Variants in CERS3 observed in about 807,000 individuals in gnomAD.
The protein encoded by CERS3 is ceramide synthase 3.
CERS3 carries 33 observed loss-of-function variants against 50.3 expected under a neutral mutation model. That is an observed-to-expected ratio of 0.66 (90% CI 0.50 to 0.88). The LOEUF is 0.88. Ranked by LOEUF, CERS3 falls within the 40% of genes least tolerant of loss-of-function variation. The probability of loss-of-function intolerance (pLI) is 0.00; values close to 1 mark genes in which losing one functional copy is unlikely to be tolerated. For synonymous variants in CERS3, 176 were observed against 155.2 expected (o/e 1.13, Z -0.99); for missense variants, 470 against 460.3 (o/e 1.02, Z -0.19).
At chr15:100,535,099 CTG>C (rs2037038132) in intron 1 of CERS3, among the ~76,000 whole-genome samples, 2 of 152,234 alleles carry the variant, frequency 1.3e-5, no homozygotes, top group Non-Finnish European at 2.9e-5. Flanking sequence ...CCTCCTGAGG[CTG>C]TGTCATGCAA....
At chr15:100,447,541 G>A (rs967854830) in intron 11 of CERS3, among the ~76,000 whole-genome samples, 1 of 152,294 alleles carries the variant, frequency 6.6e-6, no homozygotes, top group Middle Eastern at 3.4e-3. Context: ...TTTGGTTCAG[G>A]ATAAATCTAT....
intron 2 of CERS3, among the ~76,000 whole-genome samples, chr15:100,512,975 T>C (rs2036389325): frequency 6.6e-6 from 1 of 152,218 alleles, no homozygotes; most frequent in Admixed American, 6.5e-5. Context: ...CACTTTCCAC[T>C]AGGGCAATAC....
rs74041452 is a variant in CERS3, at chr15:100,469,367, G to A, written c.845+11C>T. On this transcript the variant is annotated intron_variant, in intron 10 of 11. Transcript: ENST00000679737. The stretch of plus-strand genomic sequence containing the variant: ...CTGACCAAAGGCAGGGCACATCACC[G>A]GTCTACTCACCAGAAAGGAAAAACA... 14 of 1,604,222 alleles carry A rather than the reference G, an allele frequency of 8.7e-6. No individual in the cohort carries two copies. The highest frequency in any genetic ancestry group is 4.5e-5 in the East Asian group (2 of 44,818).
chr15:100,423,507 T>G (rs1268956974), intron 11 of CERS3, among the ~76,000 whole-genome samples: 1 of 151,998 alleles, frequency 6.6e-6, no homozygotes, highest in East Asian at 1.9e-4. Context: ...CCCAAGTAAA[T>G]TAATGCAGGA....
intron 1 of CERS3, among the ~76,000 whole-genome samples, chr15:100,527,196 C>G (rs1157661856): frequency 6.6e-6 from 1 of 152,140 alleles, no homozygotes; most frequent in Admixed American, 6.5e-5. Context: ...ACTTGGGAGG[C>G]TGAGGCACGA....
chr15:100,543,147 G>A (rs985960503), intron 1 of CERS3, among the ~76,000 whole-genome samples: 5 of 152,002 alleles, frequency 3.3e-5, no homozygotes, highest in African/African-American at 1.2e-4. Flanking sequence ...CCTGACTTCA[G>A]GTGATCCACC....
chr15:100,438,489 T>C (rs1279139447), intron 11 of CERS3, among the ~76,000 whole-genome samples: 1 of 152,246 alleles, frequency 6.6e-6, no homozygotes. Flanking sequence ...TTTCTGGTTT[T>C]TCTAGTTATT....
chr15:100,432,232 T>C (rs1465028971), intron 11 of CERS3, among the ~76,000 whole-genome samples: 1 of 152,166 alleles, frequency 6.6e-6, no homozygotes, highest in Non-Finnish European at 1.5e-5. Flanking sequence ...CACTCCTGGC[T>C]TTAATAGGCC....
At chr15:100,421,520 A>G (rs143379892) in intron 11 of CERS3, among the ~76,000 whole-genome samples, 84,437 of 150,080 alleles carry the variant, frequency 0.56, 24,046 homozygotes, top group Non-Finnish European at 0.6. Context: ...AAGGTAATTT[A>G]TAGATTCAAT....
chr15:100,537,507 C>G (rs1397615336), intron 1 of CERS3, among the ~76,000 whole-genome samples: 1 of 152,172 alleles, frequency 6.6e-6, no homozygotes, highest in Non-Finnish European at 1.5e-5. Context: ...AGGGGACTTA[C>G]AGCCATGGCA....
chr15:100,451,341 C>A (rs1404737199), intron 11 of CERS3, among the ~76,000 whole-genome samples: 1 of 152,166 alleles, frequency 6.6e-6, no homozygotes, highest in Admixed American at 6.5e-5. Context: ...AAGATATAGA[C>A]TAGCTGAATG....
chr15:100,484,756 C>T, intron 4 of CERS3, 88 bp from the exon 5 acceptor site: 1 of 939,076 alleles, frequency 1.1e-6, no homozygotes, highest in Non-Finnish European at 1.7e-6. Flanking sequence ...GTTACAAGAG[C>T]TTCGGTACTG....
At chr15:100,528,558 C>T (rs2036859999) in intron 1 of CERS3, among the ~76,000 whole-genome samples, 1 of 152,126 alleles carries the variant, frequency 6.6e-6, no homozygotes, top group Non-Finnish European at 1.5e-5. Context: ...GAAATTTACC[C>T]TCTACTACTA....
At position 100,451,989 on chromosome 15, in the gene CERS3, T is replaced by C. The variant is rs1370677613; in HGVS notation, c.999+3904A>G. Among the ~76,000 whole-genome samples the C allele has an allele frequency of 2.0e-5, 3 of 152,218 alleles. No individual in the cohort carries two copies. In the East Asian group the frequency reaches 5.8e-4, roughly 29 times the overall value. On this transcript the variant is annotated intron_variant, in intron 11 of 11. Coordinates refer to ENST00000679737, the MANE Select transcript of CERS3 (RefSeq NM_001378789.1). Reference sequence around the variant, plus strand: ...AGCACTCAGATATATAAAGCAAATATTACTAAAGAGAGAGATGAAGTCCAA... The same window carrying C: ...AGCACTCAGATATATAAAGCAAATACTACTAAAGAGAGAGATGAAGTCCAA...
At chr15:100,496,912 C>T (rs1363779424) in intron 3 of CERS3, among the ~76,000 whole-genome samples, 5 of 152,056 alleles carry the variant, frequency 3.3e-5, no homozygotes, top group Non-Finnish European at 7.4e-5. Flanking sequence ...GTATGTCAGT[C>T]CAACTTCCAG....
intron 11 of CERS3, among the ~76,000 whole-genome samples, chr15:100,419,745 G>C (rs199707950): frequency 0.36 from 54,315 of 149,314 alleles, 10,471 homozygotes; most frequent in East Asian, 0.55. Flanking sequence ...TCAGACCACA[G>C]TGCAATCAAA....
At chr15:100,517,233 T>G (rs1004155340) in intron 2 of CERS3, among the ~76,000 whole-genome samples, 2 of 152,252 alleles carry the variant, frequency 1.3e-5, no homozygotes, top group African/African-American at 4.8e-5. Flanking sequence ...AGTTACCTAA[T>G]GTAATGCCTG....
At chr15:100,499,720 A>G (rs2035940102) in intron 3 of CERS3, among the ~76,000 whole-genome samples, 1 of 152,226 alleles carries the variant, frequency 6.6e-6, no homozygotes, top group Non-Finnish European at 1.5e-5. Context: ...AATTTTTAAA[A>G]TAGTTCAGAC....
intron 11 of CERS3, among the ~76,000 whole-genome samples, chr15:100,415,824 G>A (rs776509379): frequency 7.9e-5 from 12 of 151,830 alleles, no homozygotes; most frequent in South Asian, 4.2e-4. Flanking sequence ...GGGAGCATTC[G>A]GACAAATACC....
Sources: gnomAD v4.1 joint callset for allele counts (sites outside exome capture counted in the v4.1 genomes callset) on GRCh38, gnomAD v4.1.1 for gene constraint, MANE v1.5 for transcripts, NCBI Gene and HGNC (gene_info 2026-07-23, HGNC 2026-07-21) for gene names.